VPS13B: variants seen among roughly 807,000 people sequenced by gnomAD.
The protein encoded by VPS13B is intermembrane lipid transfer protein VPS13B.
A neutral mutation model predicts 426.4 loss-of-function variants in VPS13B; 285 were observed. The observed-to-expected ratio is 0.67, with a 90% CI of 0.61 to 0.74. The LOEUF is 0.74. Ranked by LOEUF, VPS13B falls within the 30% of genes least tolerant of loss-of-function variation. The pLI, the probability that VPS13B is intolerant of heterozygous loss-of-function variation, is 0.00. For missense variants in VPS13B, 4,537 were observed against 4,782.6 expected (o/e 0.95, Z 1.51); for synonymous variants, 1,676 against 1,676.4 (o/e 1.00, Z 0.01).
Position 99,832,366 on chromosome 8 carries a change from T to TTTTTTTTTC in VPS13B, c.9331-3_9331-2insTTTTTTTTC. On this transcript the variant is annotated splice_region_variant and splice_polypyrimidine_tract_variant and intron_variant, in intron 51 of 61. Transcript: ENST00000357162. ...ATTTTTTTTTTTTTTTTTTTTTTTT[T>TTTTTTTTTC]AGTATTTTCGTGTTCCAGACAGTGC... 1 of 1,462,310 alleles carries TTTTTTTTTC rather than the reference T, an allele frequency of 6.8e-7. No individual in the cohort carries two copies. The highest frequency in any genetic ancestry group is 1.3e-5 in the South Asian group (1 of 77,978). 90.6% of individuals were successfully genotyped at this position (1,462,310 alleles called of 1,614,324 possible). A position where few individuals can be genotyped will look rare whatever the true frequency, so the allele number is the denominator to read the frequency against.
intron 19 of VPS13B, among the ~76,000 whole-genome samples, chr8:99,336,236 C>A (rs889652003): frequency 2.4e-4 from 37 of 152,006 alleles, no homozygotes; most frequent in African/African-American, 8.5e-4. Flanking sequence ...TGATCTTTGA[C>A]AAACCTGAGA....
chr8:99,647,627 CT>C (rs1829641204), intron 34 of VPS13B, among the ~76,000 whole-genome samples: 1 of 149,792 alleles, frequency 6.7e-6, no homozygotes, highest in Non-Finnish European at 1.5e-5. Flanking sequence ...AATCATAGTT[CT>C]TATGTAACTA....
At chr8:99,848,934 T>G in intron 55 of VPS13B, 40 bp downstream of exon 55, 1 of 1,558,390 alleles carries the variant, frequency 6.4e-7, no homozygotes, top group Non-Finnish European at 8.9e-7. Flanking sequence ...ATAGTAAGTG[T>G]TACTGTTACA....
chr8:99,266,921 G>C (rs1013272967), intron 17 of VPS13B, among the ~76,000 whole-genome samples: 14 of 152,124 alleles, frequency 9.2e-5, no homozygotes, highest in Non-Finnish European at 7.4e-5. Flanking sequence ...AGCAGCATGA[G>C]AATGGACTCA....
intron 35 of VPS13B, among the ~76,000 whole-genome samples, chr8:99,685,706 A>G (rs1347104626): frequency 6.6e-6 from 1 of 152,114 alleles, no homozygotes; most frequent in Non-Finnish European, 1.5e-5. Flanking sequence ...AATTATTTCA[A>G]TCTCTTTGTT....
chr8:99,645,044 T>C (rs946592065), intron 34 of VPS13B, among the ~76,000 whole-genome samples: 11 of 152,214 alleles, frequency 7.2e-5, no homozygotes, highest in Non-Finnish European at 1.0e-4. Context: ...CTAAGAAGTG[T>C]TGGACTCCTG....
chr8:99,105,644 G>C (rs1386152653), intron 5 of VPS13B, among the ~76,000 whole-genome samples: 1 of 152,172 alleles, frequency 6.6e-6, no homozygotes, highest in Admixed American at 6.5e-5. Flanking sequence ...TTCCTAGAAT[G>C]CTGGGATTAC....
intron 35 of VPS13B, among the ~76,000 whole-genome samples, chr8:99,675,866 A>T (rs748879763): frequency 2.0e-5 from 3 of 151,878 alleles, no homozygotes; most frequent in African/African-American, 4.8e-5. Flanking sequence ...TGAATTGTTT[A>T]TCTGTTTTCC....
rs528277608 is a variant in VPS13B, at chr8:99,822,959, G to A, written c.9184-873G>A. On this transcript the variant is annotated intron_variant, in intron 50 of 61. Coordinates refer to ENST00000357162, the MANE Select transcript of VPS13B (RefSeq NM_152564.5). Reference sequence around the variant, plus strand: ...TATTATTATAAAAATAGTTTTGACCGTGGGACCCCATGCCCAGAGATCCCC... The same window carrying A: ...TATTATTATAAAAATAGTTTTGACCATGGGACCCCATGCCCAGAGATCCCC... 7.0e-4 allele frequency among the ~76,000 whole-genome samples: 106 copies of A among 152,154 alleles called. 1 individual carries two copies. Among genetic ancestry groups the A allele is most frequent in the Admixed American group, 4.9e-3 (75 of 15,268 alleles).
intron 17 of VPS13B, among the ~76,000 whole-genome samples, chr8:99,223,734 G>A (rs998048949): frequency 2.0e-5 from 3 of 151,950 alleles, no homozygotes; most frequent in Non-Finnish European, 4.4e-5. Context: ...TACAAAGAAC[G>A]TATTTTCATA....
intron 39 of VPS13B, among the ~76,000 whole-genome samples, chr8:99,728,686 A>G (rs901146091): frequency 6.6e-6 from 1 of 152,200 alleles, no homozygotes; most frequent in Admixed American, 6.5e-5. Flanking sequence ...AAGAGACACT[A>G]TCTTCCCCAC....
At position 99,871,702 on chromosome 8, in the gene VPS13B, G is replaced by A. The variant is rs398124328; in HGVS notation, c.11745+5G>A. On this transcript the variant is annotated splice_donor_5th_base_variant and intron_variant, in intron 61 of 61. Transcript: ENST00000357162. The stretch of plus-strand genomic sequence containing the variant: ...AGAGTGGCCTGTGATGTGGAGGTAC[G>A]TTTCAGAAAACAGGGCAACCAAGAC... 33 of 1,613,158 alleles carry A rather than the reference G, an allele frequency of 2.0e-5. No individual in the cohort carries two copies. Among genetic ancestry groups the A allele is most frequent in the African/African-American group, 4.0e-5 (3 of 74,906 alleles).
chr8:99,269,314 T>A (rs1329391460), intron 17 of VPS13B, among the ~76,000 whole-genome samples: 1 of 152,230 alleles, frequency 6.6e-6, no homozygotes, highest in Non-Finnish European at 1.5e-5. Flanking sequence ...TAGGGATACC[T>A]CTTTCCTTCC....
At chr8:99,614,569 C>A (rs570805957) in intron 33 of VPS13B, among the ~76,000 whole-genome samples, 5 of 152,044 alleles carry the variant, frequency 3.3e-5, no homozygotes, top group East Asian at 1.9e-4. Flanking sequence ...TGAGCCACTG[C>A]GCCTGGCCTA....
At chr8:99,308,203 A>T (rs892892098) in intron 19 of VPS13B, among the ~76,000 whole-genome samples, 2 of 150,776 alleles carry the variant, frequency 1.3e-5, no homozygotes, top group Non-Finnish European at 3.0e-5. Context: ...ATTACACTTC[A>T]AGTTTTAGGG....
At chr8:99,065,771 C>G (rs1005111616) in intron 3 of VPS13B, among the ~76,000 whole-genome samples, 2 of 152,148 alleles carry the variant, frequency 1.3e-5, no homozygotes, top group Non-Finnish European at 2.9e-5. Flanking sequence ...TGTCTCAGCC[C>G]AAAATCTCCT....
intron 7 of VPS13B, chr8:99,120,231 T>C (rs939032144): frequency 6.6e-6 from 1 of 151,770 alleles, no homozygotes; most frequent in Non-Finnish European, 1.5e-5. Context: ...TTTGTATTTT[T>C]AGTAGGGACA....
chr8:99,577,621 C>G lies in VPS13B; in HGVS notation c.5208C>G (p.Asn1736Lys), dbSNP rs1825837891. ...ATATGACTGGACTGGAACCATCAAA[C>G]AAGGCTGCAGAGGTAACTGTTACCT... ...VANMTGLEPS[N>K]KAAEISKQEQ... Residue 1736 changes from asparagine to lysine, a missense_variant, in exon 33 of 62, where the codon AAC (asparagine) becomes AAG (lysine). This residue lies in a region of VPS13B where 4,311 missense variants were observed against 4,474.3 expected (regional missense o/e 0.96). Transcript: ENST00000357162. 1 of 1,613,494 alleles carries G rather than the reference C, an allele frequency of 6.2e-7. No individual in the cohort carries two copies. The highest frequency in any genetic ancestry group is 1.7e-5 in the Admixed American group (1 of 59,982).
At chr8:99,019,744 T>C (rs888967257) in intron 2 of VPS13B, among the ~76,000 whole-genome samples, 2 of 152,236 alleles carry the variant, frequency 1.3e-5, no homozygotes, top group Non-Finnish European at 2.9e-5. Context: ...CAGTGTTTGT[T>C]CTTTCGTTAT....
Sources: allele counts gnomAD v4.1 joint callset (sites outside exome capture counted in the v4.1 genomes callset), GRCh38; gene constraint gnomAD v4.1.1; regional missense constraint gnomAD v4.1.1; transcripts MANE v1.5; gene names NCBI Gene and HGNC (gene_info 2026-07-23, HGNC 2026-07-21).